Variants in SMC5 observed in about 807,000 individuals in gnomAD.
SMC5 encodes structural maintenance of chromosomes protein 5.
SMC5 carries 88 observed loss-of-function variants against 148.3 expected under a neutral mutation model. The ratio of observed to expected loss-of-function variants is 0.59; its 90% CI spans 0.50 to 0.71. The LOEUF (loss-of-function observed/expected upper bound fraction) is 0.71. SMC5 is among the 30% of genes least tolerant of loss of function. The probability of loss-of-function intolerance (pLI) is 0.00; values close to 1 mark genes in which losing one functional copy is unlikely to be tolerated. For synonymous variants in SMC5, 421 were observed against 432.8 expected (o/e 0.97, Z 0.34); for missense variants, 1,142 against 1,298.9 (o/e 0.88, Z 1.86).
chr9:70,323,729 G>A (rs1000852158), intron 16 of SMC5, 123 bp downstream of exon 16: 1 of 1,129,036 alleles, frequency 8.9e-7, no homozygotes, highest in Non-Finnish European at 1.2e-6. Flanking sequence ...ATATAAGCAA[G>A]AGATCTTTAT....
chr9:70,347,840 T>A, intron 21 of SMC5, 79 bp from the exon 22 acceptor site: 8 of 1,401,392 alleles, frequency 5.7e-6, no homozygotes, highest in Non-Finnish European at 6.8e-6. Context: ...GATACTGATA[T>A]AAAATTTACA....
intron 8 of SMC5, among the ~76,000 whole-genome samples, chr9:70,296,846 T>A (rs973327872): frequency 6.6e-6 from 1 of 152,234 alleles, no homozygotes. Context: ...GACCATAGTT[T>A]TGATAAAAAT....
In SMC5 at chr9:70,353,416, A is replaced by G. The variant is rs2036846155; in HGVS notation, c.*1085A>G. 6.6e-6 allele frequency: 1 copy of G among 152,208 alleles called. No individual in the cohort carries two copies. Among genetic ancestry groups the G allele is most frequent in the African/African-American group, 2.4e-5 (1 of 41,466 alleles). The allele number at this position is 152,208 out of a possible 1,614,324, so 9.4% of individuals were successfully genotyped here. ...CATTTGTTTATCTCTAAGTTATACT[A>G]ATTAGTAGAACCAAACAAATTATCT... On this transcript the variant is annotated 3_prime_UTR_variant, in exon 25 of 25. Transcript: ENST00000361138.
At chr9:70,287,111 T>G (rs1397936746) in intron 8 of SMC5, among the ~76,000 whole-genome samples, 1 of 152,188 alleles carries the variant, frequency 6.6e-6, no homozygotes, top group Non-Finnish European at 1.5e-5. Flanking sequence ...GACACTTACA[T>G]TGTAAAACTT....
chr9:70,320,643 GCAT>G (rs1327585940), intron 15 of SMC5, among the ~76,000 whole-genome samples: 1 of 152,144 alleles, frequency 6.6e-6, no homozygotes, highest in Non-Finnish European at 1.5e-5. Context: ...AGGGACTTAA[GCAT>G]CTGTGGATTT....
chr9:70,286,253 AG>A lies in SMC5; in HGVS notation c.1036del (p.Glu346LysfsTer14). 1 of 1,587,896 alleles carries A rather than the reference AG, an allele frequency of 6.3e-7. No homozygotes were observed. Among genetic ancestry groups the A allele is most frequent in the Non-Finnish European group, 8.6e-7 (1 of 1,163,222 alleles). Reference protein sequence around the residue: ...QKCKQKQDVIERKDKHIEELQ... With the variant: ...QKCKQKQDVIXRKDKHIEELQ... ...AATGCAAACAGAAGCAAGATGTTATAGAAAGGAAAGATAAACATGTAAGGTT... is the reference window on the plus strand; with the variant it reads ...AATGCAAACAGAAGCAAGATGTTATAAAAGGAAAGATAAACATGTAAGGTT... On this transcript the variant is annotated frameshift_variant, in exon 8 of 25. Transcript: ENST00000361138. LOFTEE classifies it high-confidence loss of function.
intron 17 of SMC5, among the ~76,000 whole-genome samples, chr9:70,325,376 C>CTAG (rs1298909117): frequency 6.6e-6 from 1 of 152,196 alleles, no homozygotes; most frequent in Non-Finnish European, 1.5e-5. Context: ...AGCATCAAGA[C>CTAG]TAGCATGGTA....
chr9:70,260,874 C>T (rs2034104709), intron 1 of SMC5, among the ~76,000 whole-genome samples: 2 of 152,248 alleles, frequency 1.3e-5, no homozygotes, highest in African/African-American at 4.8e-5. Flanking sequence ...TTTCAAGTAG[C>T]TCGGACTATA....
chr9:70,344,636 T>C (rs1286030789), intron 18 of SMC5: 2 of 151,878 alleles, frequency 1.3e-5, no homozygotes, highest in Non-Finnish European at 2.9e-5. Flanking sequence ...TTAATTAGGG[T>C]TCAATGAGAG....
Position 70,344,181 on chromosome 9 carries a change from T to C in SMC5, c.2435T>C (p.Leu812Ser). ...GAATTGGATGAAAATAGACAGAGAT[T>C]ATTGCAGAAATGCAAGGAACTTATG... ...FIELDENRQR[L>S]LQKCKELMKR... is the part of the protein sequence containing the mutation. The change falls in exon 18 of 25, where the codon TTA becomes TCA. Residue 812 changes from leucine to serine, a missense_variant. Leu to Ser is a moderately radical substitution (Grantham distance 145, BLOSUM62 -2). Transcript: ENST00000361138. 6.4e-7 allele frequency: 1 copy of C among 1,556,742 alleles called. No individual in the cohort carries two copies. Among genetic ancestry groups the C allele is most frequent in the East Asian group, 2.4e-5 (1 of 42,196 alleles).
intron 17 of SMC5, among the ~76,000 whole-genome samples, chr9:70,326,569 T>C (rs1470577270): frequency 6.6e-6 from 1 of 151,934 alleles, no homozygotes; most frequent in Non-Finnish European, 1.5e-5. Context: ...GTTGGCTTAT[T>C]TAAAAATTAC....
At chr9:70,334,206 A>C (rs1211004001) in intron 17 of SMC5, among the ~76,000 whole-genome samples, 1 of 151,272 alleles carries the variant, frequency 6.6e-6, no homozygotes, top group Admixed American at 6.6e-5. Flanking sequence ...ACAGTGCTGG[A>C]ACAATTGCAT....
chr9:70,316,644 G>A (rs991097803), intron 13 of SMC5, among the ~76,000 whole-genome samples: 2 of 152,072 alleles, frequency 1.3e-5, no homozygotes, highest in African/African-American at 4.8e-5. Flanking sequence ...CTCTCTGAAA[G>A]TAAGATTAGT....
chr9:70,271,915 G>A (rs1340569138), intron 3 of SMC5, among the ~76,000 whole-genome samples: 1 of 152,226 alleles, frequency 6.6e-6, no homozygotes, highest in Non-Finnish European at 1.5e-5. Context: ...AGTCAAGCCT[G>A]TATTCATTGT....
intron 2 of SMC5, among the ~76,000 whole-genome samples, chr9:70,265,095 A>T (rs2034254346): frequency 6.6e-6 from 1 of 152,206 alleles, no homozygotes; most frequent in Non-Finnish European, 1.5e-5. Flanking sequence ...GGGCGGAAAA[A>T]TACTGCCCGA....
chr9:70,268,084 ATTGGAAAT>A, intron 3 of SMC5, 109 bp downstream of exon 3: 2 of 752,690 alleles, frequency 2.7e-6, no homozygotes, highest in Non-Finnish European at 4.1e-6. Context: ...TGGCATAAAT[ATTGGAAAT>A]AATATTTAAA....
In SMC5 at chr9:70,264,061, A is replaced by G. The variant is rs186722284; in HGVS notation, c.186-243A>G. On this transcript the variant is annotated intron_variant, in intron 1 of 24. Transcript: ENST00000361138. The stretch of plus-strand genomic sequence containing the variant: ...AAAAAAGAACAAGGTATCAAACTTC[A>G]CTTTCTTCAGCAGACTTTTGAAAAA... Among the ~76,000 whole-genome samples, 355 of 152,308 alleles carry G rather than the reference A, an allele frequency of 2.3e-3. 1 individual carries two copies. Among genetic ancestry groups the G allele is most frequent in the Non-Finnish European group, 4.2e-3 (287 of 68,020 alleles).
chr9:70,259,393 C>T (rs372346064), intron 1 of SMC5, 130 bp downstream of exon 1: 2 of 962,686 alleles, frequency 2.1e-6, no homozygotes. Flanking sequence ...GAATTCGTGC[C>T]GGGGTTCCCT....
intron 7 of SMC5, among the ~76,000 whole-genome samples, chr9:70,285,312 C>G (rs1461387183): frequency 6.6e-6 from 1 of 152,114 alleles, no homozygotes; most frequent in Admixed American, 6.6e-5. Context: ...AAGGGTCCTC[C>G]CCCAGAGAAA....
Sources: gnomAD v4.1 joint callset for allele counts (sites outside exome capture counted in the v4.1 genomes callset) on GRCh38, gnomAD v4.1.1 for gene constraint, MANE v1.5 for transcripts, NCBI Gene and HGNC (gene_info 2026-07-23, HGNC 2026-07-21) for gene names.